RBMS1: variants seen among roughly 807,000 people sequenced by gnomAD.
RBMS1 encodes RNA-binding motif, single-stranded-interacting protein 1.
RBMS1 carries 17 observed loss-of-function variants against 62.3 expected under a neutral mutation model. That is an observed-to-expected ratio of 0.27 (90% CI 0.19 to 0.41). The LOEUF (loss-of-function observed/expected upper bound fraction) is 0.41. Among genes scored for constraint, RBMS1 ranks in the 10% least tolerant of loss-of-function variants. The pLI, the probability that RBMS1 is intolerant of heterozygous loss-of-function variation, is 1.00. For synonymous variants in RBMS1, 172 were observed against 170.0 expected, an observed-to-expected ratio of 1.01 and a Z score of -0.09; for missense variants, 334 against 504.5, an observed-to-expected ratio of 0.66 and a Z score of 3.24.
At chr2:160,368,778 T>G (rs1169989153) in intron 1 of RBMS1, among the ~76,000 whole-genome samples, 2 of 152,292 alleles carry the variant, frequency 1.3e-5, no homozygotes, top group Middle Eastern at 3.4e-3. Flanking sequence ...GAGCTGGGAT[T>G]ACAGACGCAC....
At chr2:160,484,008 T>C (rs567236018) in intron 1 of RBMS1, among the ~76,000 whole-genome samples, 2,244 of 151,772 alleles carry the variant, frequency 0.015, 73 homozygotes, top group African/African-American at 0.052. Context: ...AATTCTTTTT[T>C]TTTTTTTTTT....
chr2:160,391,960 CAA>C (rs11302151), intron 1 of RBMS1, among the ~76,000 whole-genome samples: 2 of 139,208 alleles, frequency 1.4e-5, no homozygotes, highest in African/African-American at 5.1e-5. Context: ...ACTCCATCTC[CAA>C]AAAAAAAAAC....
At chr2:160,312,101 C>T (rs1397955060) in intron 4 of RBMS1, among the ~76,000 whole-genome samples, 1 of 152,154 alleles carries the variant, frequency 6.6e-6, no homozygotes, top group Non-Finnish European at 1.5e-5. Context: ...GGGGGAGATG[C>T]ACAAGACAAT....
intron 1 of RBMS1, among the ~76,000 whole-genome samples, chr2:160,428,955 G>C (rs1339115121): frequency 1.3e-5 from 2 of 152,032 alleles, no homozygotes; most frequent in African/African-American, 4.8e-5. Flanking sequence ...TAACACTTTG[G>C]GATCCCTATG....
At chr2:160,360,553 C>T (rs1272072114) in intron 2 of RBMS1, among the ~76,000 whole-genome samples, 2 of 152,170 alleles carry the variant, frequency 1.3e-5, no homozygotes, top group African/African-American at 2.4e-5. Context: ...ACTGACACCC[C>T]GTCATGGGAA....
chr2:160,378,731 A>C (rs1190773249), intron 1 of RBMS1, among the ~76,000 whole-genome samples: 1 of 152,142 alleles, frequency 6.6e-6, no homozygotes, highest in Non-Finnish European at 1.5e-5. Context: ...AGAATTGCCT[A>C]CCCATGGTCA....
At chr2:160,331,002 GA>G (rs1691235589) in intron 2 of RBMS1, among the ~76,000 whole-genome samples, 1 of 152,158 alleles carries the variant, frequency 6.6e-6, no homozygotes, top group African/African-American at 2.4e-5. Context: ...ATTGGAGGGA[GA>G]GATTCCTGCA....
intron 6 of RBMS1, among the ~76,000 whole-genome samples, chr2:160,295,819 C>T (rs2105945554): frequency 6.6e-6 from 1 of 152,342 alleles, no homozygotes; most frequent in African/African-American, 2.4e-5. Flanking sequence ...ATTAATTTAG[C>T]AAACCATTCC....
At chr2:160,360,836 G>GCTGACC (rs1422535528) in intron 2 of RBMS1, among the ~76,000 whole-genome samples, 1 of 152,110 alleles carries the variant, frequency 6.6e-6, no homozygotes, top group Non-Finnish European at 1.5e-5. Context: ...CTGTCTCTCT[G>GCTGACC]CTGACCTGTC....
At chr2:160,275,796 A>G in intron 12 of RBMS1, 82 bp from the exon 13 acceptor site, 2 of 1,583,114 alleles carry the variant, frequency 1.3e-6, no homozygotes, top group South Asian at 1.1e-5. Flanking sequence ...TGAATCCAAC[A>G]GTGCCTTAAA....
chr2:160,426,216 C>CGAA (rs1682563029), intron 1 of RBMS1, among the ~76,000 whole-genome samples: 2 of 65,330 alleles, frequency 3.1e-5, no homozygotes, highest in Non-Finnish European at 3.2e-5. Context: ...GAGAGAGAGA[C>CGAA]AGAAGAAAGA....
chr2:160,350,104 T>C (rs1692413912), intron 2 of RBMS1, among the ~76,000 whole-genome samples: 1 of 151,732 alleles, frequency 6.6e-6, no homozygotes, highest in Non-Finnish European at 1.5e-5. Context: ...TAAGGGGAGA[T>C]AAAGTCAGAG....
At chr2:160,451,603 T>TTTA (rs1014100092) in intron 1 of RBMS1, among the ~76,000 whole-genome samples, 50 of 152,006 alleles carry the variant, frequency 3.3e-4, no homozygotes, top group African/African-American at 1.0e-3. Context: ...CAGCACTGTT[T>TTTA]TTATTATTAT....
At chr2:160,443,791 G>T (rs749146686) in intron 1 of RBMS1, among the ~76,000 whole-genome samples, 121 of 152,196 alleles carry the variant, frequency 8.0e-4, no homozygotes, top group Non-Finnish European at 1.1e-3. Context: ...CTAGCACAGT[G>T]TGCTTTCTGT....
In RBMS1 at chr2:160,359,120, A is replaced by T. The variant is rs76155626; in HGVS notation, c.251+8096T>A. ...ACCACTATCACCATCACCAGCAGTAAGACAGTTCTTCAATTTGCTTGGAAG... is the reference window on the plus strand; with the variant it reads ...ACCACTATCACCATCACCAGCAGTATGACAGTTCTTCAATTTGCTTGGAAG... On this transcript the variant is annotated intron_variant, in intron 2 of 13. Transcript: ENST00000348849. Among the ~76,000 whole-genome samples the T allele has an allele frequency of 6.0e-3, 912 of 152,312 alleles. 4 individuals carry two copies. The highest frequency in any genetic ancestry group is 9.8e-3 in the Non-Finnish European group (665 of 68,020).
intron 2 of RBMS1, among the ~76,000 whole-genome samples, chr2:160,364,098 A>T (rs1291359384): frequency 1.3e-5 from 2 of 152,240 alleles, no homozygotes; most frequent in African/African-American, 4.8e-5. Flanking sequence ...TATTTATATG[A>T]CAAATAGACC....
intron 4 of RBMS1, among the ~76,000 whole-genome samples, chr2:160,306,453 A>G (rs763887657): frequency 6.6e-6 from 1 of 152,184 alleles, no homozygotes; most frequent in Non-Finnish European, 1.5e-5. Context: ...AGACTAACGC[A>G]GGTAAGTATT....
chr2:160,282,062 C>T (rs1688129936), intron 9 of RBMS1: 1 of 373,678 alleles, frequency 2.7e-6, no homozygotes, highest in South Asian at 2.2e-5. Flanking sequence ...GTGTAGTCTG[C>T]CACTCAAGAG....
At chr2:160,407,024 A>C (rs1488427961) in intron 1 of RBMS1, among the ~76,000 whole-genome samples, 1 of 149,254 alleles carries the variant, frequency 6.7e-6, no homozygotes, top group Non-Finnish European at 1.5e-5. Context: ...ACACACACAG[A>C]GACACAGACA....
Sources: gnomAD v4.1 joint callset for allele counts (sites outside exome capture counted in the v4.1 genomes callset) on GRCh38, gnomAD v4.1.1 for gene constraint, MANE v1.5 for transcripts, NCBI Gene and HGNC (gene_info 2026-07-23, HGNC 2026-07-21) for gene names.